Variants in PLCL1 observed in about 807,000 individuals in gnomAD.
The protein encoded by PLCL1 is inactive phospholipase C-like protein 1.
In PLCL1, 41 loss-of-function variants were observed where a neutral mutation model predicts 84.4. That is an observed-to-expected ratio of 0.49 (90% CI 0.38 to 0.63). The LOEUF (loss-of-function observed/expected upper bound fraction) is 0.63, where lower values mean the gene tolerates loss of function less well. Ranked by LOEUF, PLCL1 falls within the 30% of genes least tolerant of loss-of-function variation. The pLI, the probability that PLCL1 is intolerant of heterozygous loss-of-function variation, is 0.00. For missense variants in PLCL1, 1,206 were observed against 1,367.8 expected (o/e 0.88, Z 1.87); for synonymous variants, 490 against 488.3 (o/e 1.00, Z -0.05).
intron 1 of PLCL1, among the ~76,000 whole-genome samples, chr2:197,917,709 C>G (rs1688623350): frequency 6.6e-6 from 1 of 152,042 alleles, no homozygotes; most frequent in Non-Finnish European, 1.5e-5. Context: ...GGAACCAAGG[C>G]TCCTTATGTA....
At chr2:197,955,039 A>T (rs1018722083) in intron 1 of PLCL1, among the ~76,000 whole-genome samples, 2 of 152,102 alleles carry the variant, frequency 1.3e-5, no homozygotes, top group Non-Finnish European at 2.9e-5. Context: ...TTACTATCAG[A>T]ATATGCTACA....
intron 1 of PLCL1, among the ~76,000 whole-genome samples, chr2:197,923,297 C>T (rs1396850754): frequency 2.3e-4 from 34 of 147,284 alleles, no homozygotes; most frequent in East Asian, 2.3e-3. Context: ...GGCTGCCGGG[C>T]GGAGACGCTC....
chr2:197,837,467 A>G (rs1006714611), intron 1 of PLCL1, among the ~76,000 whole-genome samples: 3 of 152,232 alleles, frequency 2.0e-5, no homozygotes, highest in African/African-American at 4.8e-5. Flanking sequence ...GAAGAAGGAC[A>G]TCAGGAGTAT....
intron 1 of PLCL1, among the ~76,000 whole-genome samples, chr2:198,055,468 C>T (rs555695657): frequency 6.7e-6 from 1 of 150,184 alleles, no homozygotes; most frequent in African/African-American, 2.4e-5. Context: ...ATAATTGATT[C>T]ATGTGAATCT....
chr2:198,084,240 C>A lies in PLCL1; in HGVS notation c.723C>A (p.Phe241Leu), dbSNP rs1467081898. 6.2e-7 allele frequency: 1 copy of A among 1,613,988 alleles called. No individual in the cohort carries two copies. Among genetic ancestry groups the A allele is most frequent in the Admixed American group, 1.7e-5 (1 of 59,998 alleles). Reference protein sequence around the residue: ...FMEGNQNTPRFMWLKTVFEAA... With the variant: ...FMEGNQNTPRLMWLKTVFEAA... ...AGGGCAACCAGAACACACCACGGTT[C>A]ATGTGGTTGAAAACAGTGTTTGAAG... The change falls in exon 2 of 6, where the codon TTC becomes TTA. Residue 241 changes from phenylalanine (F) to leucine (L), a missense_variant. By Grantham distance (22) the Phe-to-Leu change is conservative. Coordinates refer to ENST00000428675, the MANE Select transcript of PLCL1 (RefSeq NM_006226.4).
intron 1 of PLCL1, among the ~76,000 whole-genome samples, chr2:197,948,792 A>G (rs1689331876): frequency 6.6e-6 from 1 of 152,222 alleles, no homozygotes; most frequent in South Asian, 2.1e-4. Context: ...ATTACCATAA[A>G]GTAACTGTAG....
At chr2:198,096,215 C>T (rs1693189400) in intron 3 of PLCL1, among the ~76,000 whole-genome samples, 1 of 152,114 alleles carries the variant, frequency 6.6e-6, no homozygotes, top group Non-Finnish European at 1.5e-5. Flanking sequence ...GAGAGTTGAC[C>T]ACATGGTATT....
intron 1 of PLCL1, among the ~76,000 whole-genome samples, chr2:197,961,026 T>G (rs569504910): frequency 1.5e-4 from 23 of 152,212 alleles, no homozygotes; most frequent in African/African-American, 5.5e-4. Context: ...TTTTGGAACT[T>G]GGCATTTGGT....
chr2:198,088,189 G>A (rs1422156255), intron 2 of PLCL1, among the ~76,000 whole-genome samples: 2 of 152,092 alleles, frequency 1.3e-5, no homozygotes, highest in African/African-American at 4.8e-5. Flanking sequence ...AGCGTTGATA[G>A]TTCATATTAT....
At chr2:197,993,128 G>A (rs748783744) in intron 1 of PLCL1, among the ~76,000 whole-genome samples, 10 of 152,076 alleles carry the variant, frequency 6.6e-5, no homozygotes, top group Non-Finnish European at 1.3e-4. Flanking sequence ...ATTCCCATGG[G>A]TTCCAATTTC....
chr2:197,981,128 T>C (rs1574981617), intron 1 of PLCL1, among the ~76,000 whole-genome samples: 1 of 152,220 alleles, frequency 6.6e-6, no homozygotes, highest in Non-Finnish European at 1.5e-5. Context: ...CTTCAAATAC[T>C]CTACACCTTA....
chr2:198,140,345 T>C (rs920482258), intron 5 of PLCL1, among the ~76,000 whole-genome samples: 1 of 152,164 alleles, frequency 6.6e-6, no homozygotes, highest in South Asian at 2.1e-4. Context: ...CACTTATATG[T>C]AGAATTCTAT....
chr2:197,942,325 A>C (rs1689174555), intron 1 of PLCL1, among the ~76,000 whole-genome samples: 1 of 152,180 alleles, frequency 6.6e-6, no homozygotes, highest in African/African-American at 2.4e-5. Context: ...GCCTTTTAAC[A>C]AACGTAGATC....
At chr2:198,075,445 A>C (rs893306336) in intron 1 of PLCL1, among the ~76,000 whole-genome samples, 1 of 152,222 alleles carries the variant, frequency 6.6e-6, no homozygotes, top group Non-Finnish European at 1.5e-5. Context: ...TAACAAAACT[A>C]CGCATTGCAT....
intron 1 of PLCL1, among the ~76,000 whole-genome samples, chr2:197,873,166 A>G (rs1687677694): frequency 6.6e-6 from 1 of 152,128 alleles, no homozygotes; most frequent in Non-Finnish European, 1.5e-5. Context: ...TGTGTATTCA[A>G]TACAAATTGT....
intron 1 of PLCL1, among the ~76,000 whole-genome samples, chr2:197,887,444 G>A (rs1687943230): frequency 6.6e-6 from 1 of 152,110 alleles, no homozygotes; most frequent in Non-Finnish European, 1.5e-5. Flanking sequence ...GAATTGCTGT[G>A]TTTAAGGCTG....
chr2:197,928,319 G>T (rs1688871600), intron 1 of PLCL1, among the ~76,000 whole-genome samples: 1 of 152,110 alleles, frequency 6.6e-6, no homozygotes, highest in African/African-American at 2.4e-5. Context: ...CATTAAGCAA[G>T]CAAATGTTGC....
chr2:198,043,977 T>C (rs1691730210), intron 1 of PLCL1, among the ~76,000 whole-genome samples: 1 of 151,840 alleles, frequency 6.6e-6, no homozygotes, highest in Non-Finnish European at 1.5e-5. Flanking sequence ...TAAGTGTTGG[T>C]CCTTTCCACA....
intron 1 of PLCL1, among the ~76,000 whole-genome samples, chr2:198,019,552 G>T (rs1490865591): frequency 2.6e-5 from 4 of 152,198 alleles, no homozygotes; most frequent in Non-Finnish European, 4.4e-5. Context: ...ACGACCTGAT[G>T]AAGCTGAAAA....
Sources: gnomAD v4.1 joint callset for allele counts (sites outside exome capture counted in the v4.1 genomes callset) on GRCh38, gnomAD v4.1.1 for gene constraint, MANE v1.5 for transcripts, NCBI Gene and HGNC (gene_info 2026-07-23, HGNC 2026-07-21) for gene names.